RIMS2: variants seen among roughly 807,000 people sequenced by gnomAD.
RIMS2 encodes the protein regulating synaptic membrane exocytosis 2.
In RIMS2, 59 loss-of-function variants were observed where a neutral mutation model predicts 174.4. That is an observed-to-expected ratio of 0.34 (90% CI 0.27 to 0.42). The LOEUF (loss-of-function observed/expected upper bound fraction) is 0.42. RIMS2 is among the 10% of genes least tolerant of loss of function. The pLI is 1.00. For synonymous variants in RIMS2, 606 were observed against 572.5 expected (o/e 1.06, Z -0.84); for missense variants, 1,620 against 1,666.3 (o/e 0.97, Z 0.48).
At chr8:103,686,814 G>A (rs923188127) in intron 1 of RIMS2, among the ~76,000 whole-genome samples, 10 of 152,012 alleles carry the variant, frequency 6.6e-5, no homozygotes, top group African/African-American at 2.4e-4. Context: ...CCAGGCTGGA[G>A]TACAATGTGC....
chr8:103,814,798 G>T (rs1201001704), intron 3 of RIMS2, among the ~76,000 whole-genome samples: 1 of 152,132 alleles, frequency 6.6e-6, no homozygotes, highest in African/African-American at 2.4e-5. Flanking sequence ...AGGATCAGTT[G>T]AACCCAGGAG....
chr8:104,128,563 G>A (rs2098449398), intron 19 of RIMS2, among the ~76,000 whole-genome samples: 1 of 152,218 alleles, frequency 6.6e-6, no homozygotes, highest in African/African-American at 2.4e-5. Flanking sequence ...TGGGCGTAGT[G>A]GCACATGCCT....
chr8:103,758,758 A>G (rs2098066129), intron 2 of RIMS2, among the ~76,000 whole-genome samples: 2 of 152,230 alleles, frequency 1.3e-5, no homozygotes, highest in South Asian at 4.1e-4. Flanking sequence ...TGCTTTTAGC[A>G]GAAGAAAGGT....
chr8:103,597,727 A>AT (rs71512484), intron 1 of RIMS2, among the ~76,000 whole-genome samples: 50 of 149,050 alleles, frequency 3.4e-4, no homozygotes, highest in South Asian at 2.5e-3. Context: ...TCATGTTATT[A>AT]TTTTTTTTTT....
chr8:103,958,240 A>G (rs1159379050), intron 14 of RIMS2, among the ~76,000 whole-genome samples: 1 of 152,224 alleles, frequency 6.6e-6, no homozygotes, highest in African/African-American at 2.4e-5. Context: ...GAACAACATC[A>G]TGTCTTTAGC....
chr8:103,989,586 G>C (rs575356871), intron 17 of RIMS2, among the ~76,000 whole-genome samples, 165 bp downstream of exon 19: 1 of 152,086 alleles, frequency 6.6e-6, no homozygotes, highest in East Asian at 1.9e-4. Context: ...CATTGTTAAA[G>C]GTAAATAAAT....
intron 19 of RIMS2, among the ~76,000 whole-genome samples, chr8:104,157,940 T>G: frequency 6.6e-6 from 1 of 152,178 alleles, no homozygotes; most frequent in Admixed American, 6.5e-5. Context: ...TACTTTAAGT[T>G]CTAGGGTACA....
At chr8:104,234,055 T>C (rs1169866956) in intron 19 of RIMS2, among the ~76,000 whole-genome samples, 1 of 152,186 alleles carries the variant, frequency 6.6e-6, no homozygotes, top group South Asian at 2.1e-4. Context: ...ATTTCATATG[T>C]TATTCAGTTT....
chr8:103,841,454 C>T (rs999126258), intron 3 of RIMS2, among the ~76,000 whole-genome samples: 4 of 150,894 alleles, frequency 2.7e-5, no homozygotes, highest in Admixed American at 1.3e-4. Context: ...TGTAAATGAC[C>T]GTTATCAGCA....
chr8:103,669,805 G>A (rs2098466), intron 1 of RIMS2, among the ~76,000 whole-genome samples: 72,730 of 151,998 alleles, frequency 0.48, 17,976 homozygotes, highest in East Asian at 0.83. Context: ...AGCCCCTTCC[G>A]GCTGCTTTCA....
intron 1 of RIMS2, among the ~76,000 whole-genome samples, chr8:103,513,301 G>C (rs1827457574): frequency 6.6e-6 from 1 of 152,130 alleles, no homozygotes; most frequent in Non-Finnish European, 1.5e-5. Context: ...AATAGTCCTG[G>C]CTCCATCATT....
intron 2 of RIMS2, among the ~76,000 whole-genome samples, chr8:103,702,985 G>GTTTT (rs35590857): frequency 4.7e-5 from 5 of 107,120 alleles, no homozygotes; most frequent in African/African-American, 1.6e-4. Flanking sequence ...TTGTGAGTTT[G>GTTTT]TTTTTTTTTT....
chr8:104,222,202 C>G (rs1236438435), intron 19 of RIMS2, among the ~76,000 whole-genome samples: 1 of 152,176 alleles, frequency 6.6e-6, no homozygotes, highest in East Asian at 1.9e-4. Flanking sequence ...TCGTGTCTCT[C>G]CCCTGCAACT....
At chr8:103,598,533 A>G (rs1002099390) in intron 1 of RIMS2, among the ~76,000 whole-genome samples, 5 of 152,232 alleles carry the variant, frequency 3.3e-5, no homozygotes, top group African/African-American at 1.2e-4. Flanking sequence ...TGGCAGGATT[A>G]TAAATTGGGC....
rs562194368 is a variant in RIMS2, at chr8:103,577,192, T to C, written c.176+76130T>C. 4.6e-5 allele frequency among the ~76,000 whole-genome samples: 7 copies of C among 152,300 alleles called. 1 individual carries two copies. The highest frequency in any genetic ancestry group is 2.4e-5 in the African/African-American group (1 of 41,566). ...ATATATCCATCTGACAAAGGGCTAA[T>C]ATCTAGAATCTACAAGGAACTAAAC... is the stretch of plus-strand genomic sequence containing the variant. On this transcript the variant is annotated intron_variant, in intron 1 of 23. Coordinates refer to ENST00000504942, the Ensembl canonical transcript of RIMS2.
At chr8:103,927,547 A>G (rs1267777426) in intron 10 of RIMS2, among the ~76,000 whole-genome samples, 8 of 151,546 alleles carry the variant, frequency 5.3e-5, no homozygotes, top group Middle Eastern at 3.2e-3. Context: ...TTCAAAGTAC[A>G]TGAGCCCAAA....
intron 19 of RIMS2, among the ~76,000 whole-genome samples, chr8:104,126,382 G>C (rs1298424331): frequency 6.6e-6 from 1 of 152,072 alleles, no homozygotes; most frequent in African/African-American, 2.4e-5. Context: ...ATAATAAATA[G>C]TGCCAGCTAA....
At chr8:103,704,904 A>T (rs1203825114) in intron 2 of RIMS2, among the ~76,000 whole-genome samples, 1 of 151,904 alleles carries the variant, frequency 6.6e-6, no homozygotes, top group Non-Finnish European at 1.5e-5. Context: ...ATTTTCAAAA[A>T]GCCAACTTTT....
intron 3 of RIMS2, among the ~76,000 whole-genome samples, chr8:103,767,789 G>A (rs865795697): frequency 2.0e-5 from 3 of 152,170 alleles, no homozygotes; most frequent in African/African-American, 4.8e-5. Context: ...GTAGTAAAAG[G>A]GAACAGTACA....
Sources: gnomAD v4.1 joint callset for allele counts (sites outside exome capture counted in the v4.1 genomes callset) on GRCh38, gnomAD v4.1.1 for gene constraint, MANE v1.5 for transcripts, NCBI Gene and HGNC (gene_info 2026-07-23, HGNC 2026-07-21) for gene names.